ASB1: variants seen among roughly 807,000 people sequenced by gnomAD.
ASB1 encodes the protein ankyrin repeat and SOCS box protein 1.
ASB1 carries 18 observed loss-of-function variants against 27.7 expected under a neutral mutation model. The ratio of observed to expected loss-of-function variants is 0.65; its 90% CI spans 0.45 to 0.96. The LOEUF (loss-of-function observed/expected upper bound fraction) is 0.96, where lower values mean the gene tolerates loss of function less well. Among genes scored for constraint, ASB1 ranks in the 50% least tolerant of loss-of-function variants. The pLI is 0.00. For synonymous variants in ASB1, 189 were observed against 187.6 expected (o/e 1.01, Z -0.06); for missense variants, 397 against 451.7 (o/e 0.88, Z 1.10).
In ASB1 at chr2:238,430,832, C is replaced by T. The variant is rs191097050; in HGVS notation, c.50-2722C>T. Among the ~76,000 whole-genome samples the T allele has an allele frequency of 1.6e-4, 24 of 151,530 alleles. 1 individual carries two copies. The highest frequency in any genetic ancestry group is 8.5e-4 in the Admixed American group (13 of 15,276). ...CTTCGGTGACTAGGCATATTGTCAG[C>T]GAGCAGTAGTATTTTGAAAGGAATC... On this transcript the variant is annotated intron_variant, in intron 1 of 4. Transcript: ENST00000264607.
chr2:238,428,741 AAC>A (rs1255314259), intron 1 of ASB1, among the ~76,000 whole-genome samples: 3 of 152,188 alleles, frequency 2.0e-5, no homozygotes, highest in Non-Finnish European at 2.9e-5. Context: ...TGATCAGCGA[AAC>A]ACAAACTTGA....
chr2:238,437,605 GT>G (rs1214480064), intron 3 of ASB1, among the ~76,000 whole-genome samples: 8 of 148,872 alleles, frequency 5.4e-5, no homozygotes, highest in African/African-American at 1.7e-4. Flanking sequence ...TATTTTTCAT[GT>G]TTCTAGTGAC....
intron 4 of ASB1, among the ~76,000 whole-genome samples, chr2:238,446,034 C>T (rs1207352132): frequency 2.0e-5 from 3 of 152,244 alleles, no homozygotes; most frequent in Admixed American, 6.5e-5. Context: ...AGAGGCTGGG[C>T]GTCCGCGGCC....
chr2:238,444,439 A>G lies in ASB1; in HGVS notation c.592A>G (p.Ile198Val), dbSNP rs776403126. 13 of 1,614,022 alleles carry G rather than the reference A, an allele frequency of 8.1e-6. No individual in the cohort carries two copies. The highest frequency in any genetic ancestry group is 1.1e-5 in the Non-Finnish European group (13 of 1,180,042). ...LTSLVVCPLY[I>V]SAAYHNLQCF... is the part of the protein sequence containing the mutation. ...CTCCTTGGTGGTCTGCCCCTTGTAC[A>G]TCAGCGCAGCCTACCACAACCTCCA... Residue 198 changes from isoleucine to valine, a missense_variant, in exon 4 of 5, where the codon ATC (isoleucine) becomes GTC (valine). By Grantham distance (29) the Ile-to-Val change is conservative (BLOSUM62 3). Transcript: ENST00000264607.
chr2:238,433,530 C>G, intron 1 of ASB1, 24 bp from the exon 2 acceptor site: 2 of 1,612,774 alleles, frequency 1.2e-6, no homozygotes, highest in Admixed American at 1.7e-5. Context: ...CATGAGCTAA[C>G]AGGAGCCCCT....
chr2:238,428,300 T>C (rs886247088), intron 1 of ASB1, among the ~76,000 whole-genome samples: 5 of 152,078 alleles, frequency 3.3e-5, no homozygotes, highest in Admixed American at 3.3e-4. Flanking sequence ...CAGGTCTCCT[T>C]TTTTTTTGAG....
At chr2:238,436,729 GTT>G (rs905108095) in intron 3 of ASB1, among the ~76,000 whole-genome samples, 1 of 147,296 alleles carries the variant, frequency 6.8e-6, no homozygotes, top group African/African-American at 2.5e-5. Context: ...GACCATGGGT[GTT>G]TTGTTTACAT....
rs760949441 is a variant in ASB1 at position 238,435,713 on chromosome 2, G to A, written c.194G>A (p.Arg65His). Residue 65 changes from arginine to histidine, a missense_variant and splice_region_variant, in exon 3 of 5, where the codon CGC becomes CAC. Physicochemically the swap from Arg to His is conservative, Grantham distance 29. Coordinates refer to ENST00000264607, the MANE Select transcript of ASB1 (RefSeq NM_001040445.3). ...GCCCCCTTGTGTTCCTCCTGCAGCCGCATCAACGAGAAGTCTGTCTGGTGC... is the reference window on the plus strand; with the variant it reads ...GCCCCCTTGTGTTCCTCCTGCAGCCACATCAACGAGAAGTCTGTCTGGTGC... ...SLLQEESYRSRINEKSVWCCG... is the reference protein window; with the variant it reads ...SLLQEESYRSHINEKSVWCCG... 6 of 1,610,032 alleles carry A rather than the reference G, an allele frequency of 3.7e-6. No homozygotes were observed. The highest frequency in any genetic ancestry group is 3.3e-5 in the Admixed American group (2 of 59,868).
intron 2 of ASB1, 146 bp downstream of exon 2, chr2:238,433,841 A>C: frequency 1.0e-6 from 1 of 974,666 alleles, no homozygotes; most frequent in Non-Finnish European, 1.5e-6. Context: ...AAGGAGACTG[A>C]GGCAGCATGG....
At position 238,444,724 on chromosome 2, in the gene ASB1, A is replaced by G; in HGVS notation, c.877A>G (p.Arg293Gly). 1 of 1,604,802 alleles carries G rather than the reference A, an allele frequency of 6.2e-7. No individual in the cohort carries two copies. Among genetic ancestry groups the G allele is most frequent in the East Asian group, 2.2e-5 (1 of 44,746 alleles). The change falls in exon 4 of 5, where the codon AGA becomes GGA. Residue 293 changes from arginine to glycine, a missense_variant. By Grantham distance (125) the Arg-to-Gly change is moderately radical. Coordinates refer to ENST00000264607, the MANE Select transcript of ASB1 (RefSeq NM_001040445.3). ...PEALQVFKEA[R>G]SVPRTLLCLC... ...GGCCTTGCAGGTCTTTAAAGAGGCC[A>G]GAAGTAAGTGGCTTGAGTTCAGCTC...
At chr2:238,432,998 G>A (rs1211313190) in intron 1 of ASB1, among the ~76,000 whole-genome samples, 2 of 152,186 alleles carry the variant, frequency 1.3e-5, no homozygotes, top group South Asian at 4.1e-4. Flanking sequence ...TGCCCGCCTC[G>A]GCCTCTCAAA....
At chr2:238,433,350 T>C (rs564235482) in intron 1 of ASB1, 70 of 557,348 alleles carry the variant, frequency 1.3e-4, no homozygotes, top group Middle Eastern at 1.0e-3. Context: ...GATCTTGAAC[T>C]CCTGGCCTCA....
intron 4 of ASB1, among the ~76,000 whole-genome samples, chr2:238,445,427 T>C (rs1702161743): frequency 6.6e-6 from 1 of 152,224 alleles, no homozygotes; most frequent in African/African-American, 2.4e-5. Context: ...TTTCTTCAAT[T>C]CCACTCAAGT....
rs1031302620 is a variant in ASB1, at chr2:238,435,815, G to C, written c.296G>C (p.Arg99Pro). ...GGGAGCTGTGTGGACTTCCTCATCCGGAAGGGGGCCGAGGTGGATCTGGTG... is the reference window on the plus strand; with the variant it reads ...GGGAGCTGTGTGGACTTCCTCATCCCGAAGGGGGCCGAGGTGGATCTGGTG... ...GHGSCVDFLI[R>P]KGAEVDLVDV... The change falls in exon 3 of 5, where the codon CGG becomes CCG. Residue 99 changes from arginine to proline, a missense_variant. Coordinates refer to ENST00000264607, the MANE Select transcript of ASB1 (RefSeq NM_001040445.3). The C allele has an allele frequency of 4.3e-6, 7 of 1,614,246 alleles. No homozygotes were observed. Among genetic ancestry groups the C allele is most frequent in the Non-Finnish European group, 5.9e-6 (7 of 1,180,036 alleles).
chr2:238,432,301 C>T (rs139294356), intron 1 of ASB1, among the ~76,000 whole-genome samples: 34 of 152,210 alleles, frequency 2.2e-4, no homozygotes, highest in East Asian at 9.7e-4. Context: ...AAATGGGTCA[C>T]GCTTTATTTA....
intron 1 of ASB1, among the ~76,000 whole-genome samples, chr2:238,429,699 G>C (rs1163482188): frequency 6.6e-6 from 1 of 152,132 alleles, no homozygotes; most frequent in East Asian, 1.9e-4. Flanking sequence ...TTGGGAGGCC[G>C]AGGCAGGCAG....
chr2:238,438,701 C>A (rs1254022537), intron 3 of ASB1, among the ~76,000 whole-genome samples: 1 of 152,208 alleles, frequency 6.6e-6, no homozygotes, highest in African/African-American at 2.4e-5. Context: ...CTGGAAATAA[C>A]TTAGCTTCTG....
intron 3 of ASB1, among the ~76,000 whole-genome samples, chr2:238,438,135 A>G (rs1229886066): frequency 1.3e-5 from 2 of 151,564 alleles, no homozygotes; most frequent in East Asian, 1.9e-4. Context: ...CAGTCAATTC[A>G]TGATGCACAA....
chr2:238,446,368 T>G lies in ASB1; in HGVS notation c.881-16T>G, dbSNP rs781024363. The G allele has an allele frequency of 6.3e-7, 1 of 1,575,414 alleles. No homozygotes were observed. The highest frequency in any genetic ancestry group is 8.6e-7 in the Non-Finnish European group (1 of 1,163,338). On this transcript the variant is annotated splice_polypyrimidine_tract_variant and intron_variant, in intron 4 of 4. Transcript: ENST00000264607. ...GAACCTTCCTCTATCCCTCTCTTTC[T>G]TCCCACGGCCTTCAGGTGTTCCCAG... is the stretch of plus-strand genomic sequence containing the variant.
Sources: allele counts gnomAD v4.1 joint callset (sites outside exome capture counted in the v4.1 genomes callset), GRCh38; gene constraint gnomAD v4.1.1; transcripts MANE v1.5; gene names NCBI Gene and HGNC (gene_info 2026-07-23, HGNC 2026-07-21).